VSX1: variants seen among roughly 807,000 people sequenced by gnomAD.
VSX1 encodes the protein visual system homeobox 1, also known as homeodomain protein RINX.
A neutral mutation model predicts 23.6 loss-of-function variants in VSX1; 23 were observed. That is an observed-to-expected ratio of 0.97 (90% confidence interval 0.70 to 1.38). The LOEUF (loss-of-function observed/expected upper bound fraction) is 1.38. Among genes scored for constraint, VSX1 ranks in the 40% most tolerant of loss-of-function variants. The pLI is 0.00. For missense variants in VSX1, 517 were observed against 495.4 expected, an observed-to-expected ratio of 1.04 and a Z score of -0.41; for synonymous variants, 247 against 215.1, an observed-to-expected ratio of 1.15 and a Z score of -1.30.
rs369865672 is a variant in VSX1 at position 25,081,924 on chromosome 20, G to A, written c.173C>T (p.Pro58Leu). The A allele has an allele frequency of 1.0e-3, 1,562 of 1,530,740 alleles. 2 individuals are homozygous for A. The highest frequency in any genetic ancestry group is 5.2e-3 in the Middle Eastern group (23 of 4,402). 94.8% of individuals were successfully genotyped at this position (1,530,740 alleles called of 1,614,324 possible). ...GPGQGSGCEG[P>L]AVAPCPGPGL... is the part of the protein sequence containing the mutation. The stretch of plus-strand genomic sequence containing the variant: ...CGGGCCCGGGCACGGCGCGACTGCC[G>A]GACCCTCGCAGCCAGATCCCTGTCC... Residue 58 changes from proline (P) to leucine (L), a missense_variant, in exon 1 of 5, where the codon CCG (proline) becomes CTG (leucine). Coordinates refer to ENST00000376709, the MANE Select transcript of VSX1 (RefSeq NM_014588.6).
chr20:25,071,767 G>A (rs1600369848), downstream of VSX1: 1 of 697,844 alleles, frequency 1.4e-6, no homozygotes, highest in African/African-American at 1.7e-5. Flanking sequence ...CTCCTAGGTT[G>A]TTGAATTCCT....
At chr20:25,075,105 T>C (rs2089459145), downstream of VSX1, among the ~76,000 whole-genome samples, 1 of 152,232 alleles carries the variant, frequency 6.6e-6, no homozygotes, top group South Asian at 2.1e-4. Flanking sequence ...GCTTCTGTTT[T>C]CTCACCTGCA....
intron 1 of VSX1, among the ~76,000 whole-genome samples, chr20:25,080,674 G>A (rs559052408): frequency 6.6e-6 from 1 of 152,328 alleles, no homozygotes; most frequent in East Asian, 1.9e-4. Context: ...GGATTTAGCT[G>A]CCTTTGGTTT....
intron 4 of VSX1, 72 bp downstream of exon 4, chr20:25,077,613 G>C: frequency 6.6e-7 from 1 of 1,521,554 alleles, no homozygotes; most frequent in Non-Finnish European, 8.8e-7. Flanking sequence ...GGCTGCCTCG[G>C]TGGGGACACC....
In VSX1 at chr20:25,079,326, A is replaced by G. The variant is rs895570059; in HGVS notation, c.503+110T>C. ...TGCCCTTCCCATTGCCAACCAGGAA[A>G]CCACTGGGCCTGCTATCATGCCGGG... On this transcript the variant is annotated intron_variant, in intron 2 of 4. Transcript: ENST00000376709. 8 of 1,157,698 alleles carry G rather than the reference A, an allele frequency of 6.9e-6. No individual in the cohort carries two copies. The East Asian group carries it at 2.1e-4, about 30-fold the overall frequency. The allele number at this position is 1,157,698 out of a possible 1,614,324, so 71.7% of individuals were successfully genotyped here.
chr20:25,071,717 G>A (rs190704239), downstream of VSX1: 64 of 672,840 alleles, frequency 9.5e-5, no homozygotes, highest in African/African-American at 8.5e-4. Context: ...TAATAGATAC[G>A]GAAAAGAACA....
chr20:25,078,410 G>C, intron 3 of VSX1: 1 of 515,482 alleles, frequency 1.9e-6, no homozygotes, highest in Non-Finnish European at 2.8e-6. Flanking sequence ...ATGCATGTGA[G>C]TGTGTGTATA....
chr20:25,080,212 A>G (rs768297555), intron 1 of VSX1, among the ~76,000 whole-genome samples: 17 of 152,268 alleles, frequency 1.1e-4, no homozygotes, highest in Non-Finnish European at 2.4e-4. Flanking sequence ...AACTATTGTG[A>G]GATTCATTGC....
Position 25,081,855 on chromosome 20 carries a change from C to G in VSX1, c.242G>C (p.Gly81Ala), listed in dbSNP as rs2089654384. The G allele has an allele frequency of 6.6e-7, 1 of 1,521,790 alleles. No homozygotes were observed. The highest frequency in any genetic ancestry group is 1.4e-5 in the African/African-American group (1 of 70,774). 94.3% of individuals were successfully genotyped at this position (1,521,790 alleles called of 1,614,324 possible). A position where few individuals can be genotyped will look rare whatever the true frequency, so the allele number is the denominator to read the frequency against. ...SSLARGALPL[G>A]LGLLCGFGTQ... is the part of the protein sequence containing the mutation. ...GCCGAAGCCACAGAGGAGGCCGAGT[C>G]CCAGCGGTAGGGCCCCACGCGCCAG... Residue 81 changes from glycine (G) to alanine (A), a missense_variant, in exon 1 of 5, where the codon GGA (glycine) becomes GCA (alanine). Physicochemically the swap from Gly to Ala is moderately conservative, Grantham distance 60 (BLOSUM62 0). Coordinates refer to ENST00000376709, the MANE Select transcript of VSX1 (RefSeq NM_014588.6).
chr20:25,073,622 C>T (rs1417395359), downstream of VSX1, among the ~76,000 whole-genome samples: 1 of 152,194 alleles, frequency 6.6e-6, no homozygotes, highest in Non-Finnish European at 1.5e-5. Flanking sequence ...TGATGATTGG[C>T]TTAGGCCTGA....
At chr20:25,074,451 TC>T (rs949997467), downstream of VSX1, among the ~76,000 whole-genome samples, 8 of 152,384 alleles carry the variant, frequency 5.2e-5, no homozygotes, top group Admixed American at 4.6e-4. Flanking sequence ...CCCCTTTCTC[TC>T]GTGCCACTTC....
downstream of VSX1, among the ~76,000 whole-genome samples, chr20:25,075,087 G>A (rs900031660): frequency 6.6e-6 from 1 of 152,202 alleles, no homozygotes; most frequent in African/African-American, 2.4e-5. Context: ...ATAGGCCAAA[G>A]GGAGAGAGCT....
At chr20:25,078,978 T>TG in intron 2 of VSX1, 26 bp from the exon 3 acceptor site, 1 of 1,612,816 alleles carries the variant, frequency 6.2e-7, no homozygotes, top group Non-Finnish European at 8.5e-7. Context: ...AACACACAGG[T>TG]GGGCACATGT....
At chr20:25,074,068 C>T (rs552907173), downstream of VSX1, among the ~76,000 whole-genome samples, 12 of 152,296 alleles carry the variant, frequency 7.9e-5, no homozygotes, top group Middle Eastern at 6.8e-3. Flanking sequence ...TAATGATAAA[C>T]TTTCTCGTTT....
Position 25,081,951 on chromosome 20 carries a change from GGGCCAGCGGGCGCC to G in VSX1, c.132_145del (p.Ala45ArgfsTer20). Reference sequence around the variant, plus strand: ...ACCCTCGCAGCCAGATCCCTGTCCTGGGCCAGCGGGCGCCGGCAGCTCGGCCTCCAAGCCCAGCA... The same window carrying G: ...ACCCTCGCAGCCAGATCCCTGTCCTGGGCAGCTCGGCCTCCAAGCCCAGCA... On this transcript the variant is annotated frameshift_variant, in exon 1 of 5. Transcript: ENST00000376709. LOFTEE classifies it high-confidence loss of function. 1 of 1,532,634 alleles carries G rather than the reference GGGCCAGCGGGCGCC, an allele frequency of 6.5e-7. No homozygotes were observed. The highest frequency in any genetic ancestry group is 8.7e-7 in the Non-Finnish European group (1 of 1,145,992). The allele number at this position is 1,532,634 out of a possible 1,614,324, so 94.9% of individuals were successfully genotyped here.
At chr20:25,074,842 C>T (rs2089452424), downstream of VSX1, among the ~76,000 whole-genome samples, 1 of 152,138 alleles carries the variant, frequency 6.6e-6, no homozygotes, top group Admixed American at 6.5e-5. Context: ...GGAGGCAGAA[C>T]CTGTGTGGCT....
At chr20:25,079,392 T>C (rs1333654730) in intron 2 of VSX1, 44 bp downstream of exon 2, 8 of 1,570,212 alleles carry the variant, frequency 5.1e-6, no homozygotes, top group Admixed American at 1.8e-5. Context: ...CCTTGGGCTG[T>C]GTCCCGAGGA....
At position 25,082,017 on chromosome 20, in the gene VSX1, C is replaced by A; in HGVS notation, c.80G>T (p.Arg27Leu). The A allele has an allele frequency of 6.5e-7, 1 of 1,535,374 alleles. No individual in the cohort carries two copies. The highest frequency in any genetic ancestry group is 8.7e-7 in the Non-Finnish European group (1 of 1,147,070). Reference sequence around the variant, plus strand: ...GTCCGTGATGGCGAAGCCCCGGGGGCGCGAGCCCCTAGGGGAACCGCCAGG... The same window carrying A: ...GTCCGTGATGGCGAAGCCCCGGGGGAGCGAGCCCCTAGGGGAACCGCCAGG... ...LVPGGSPRGS[R>L]PRGFAITDLL... Residue 27 changes from arginine (R) to leucine (L), a missense_variant, in exon 1 of 5, where the codon CGC becomes CTC. Arg to Leu is a moderately radical substitution (Grantham distance 102). Transcript: ENST00000376709.
At chr20:25,073,866 T>A (rs1208742571), downstream of VSX1, among the ~76,000 whole-genome samples, 1 of 152,092 alleles carries the variant, frequency 6.6e-6, no homozygotes, top group Admixed American at 6.5e-5. Context: ...TGGTCCTCTG[T>A]GGGGCGTGGC....
Sources: gnomAD v4.1 joint callset for allele counts (sites outside exome capture counted in the v4.1 genomes callset) on GRCh38, gnomAD v4.1.1 for gene constraint, MANE v1.5 for transcripts, NCBI Gene and HGNC (gene_info 2026-07-23, HGNC 2026-07-21) for gene names.